Variants in SOX5 observed in about 807,000 individuals in gnomAD.
SOX5 encodes transcription factor SOX-5.
In SOX5, 9 loss-of-function variants were observed where a neutral mutation model predicts 92.0. That is an observed-to-expected ratio of 0.10 (90% CI 0.06 to 0.17). The LOEUF is 0.17. Ranked by LOEUF, SOX5 falls within the 10% of genes least tolerant of loss-of-function variation. The pLI, the probability that SOX5 is intolerant of heterozygous loss-of-function variation, is 1.00. For missense variants in SOX5, 642 were observed against 944.5 expected, an observed-to-expected ratio of 0.68 and a Z score of 4.20; for synonymous variants, 344 against 336.3, an observed-to-expected ratio of 1.02 and a Z score of -0.25.
chr12:24,343,086 G>A (rs903181540), intron 2 of SOX5, among the ~76,000 whole-genome samples: 3 of 152,210 alleles, frequency 2.0e-5, no homozygotes, highest in African/African-American at 7.2e-5. Context: ...CAAAGAGAAT[G>A]TAGGGAAGTA....
intron 3 of SOX5, among the ~76,000 whole-genome samples, chr12:24,265,616 T>C (rs568179609): frequency 8.5e-5 from 13 of 152,336 alleles, no homozygotes; most frequent in African/African-American, 3.1e-4. Context: ...ATATGCATTT[T>C]TCTTAAAATG....
At chr12:23,730,885 T>C (rs1408536680) in intron 6 of SOX5, among the ~76,000 whole-genome samples, 1 of 152,150 alleles carries the variant, frequency 6.6e-6, no homozygotes. Context: ...GTTGTCTGGA[T>C]TGAGGATTAC....
intron 1 of SOX5, among the ~76,000 whole-genome samples, chr12:24,466,846 G>A (rs961500089): frequency 6.6e-6 from 1 of 152,192 alleles, no homozygotes; most frequent in African/African-American, 2.4e-5. Flanking sequence ...CAGGTAATCT[G>A]ATGCATAATC....
chr12:24,311,248 A>C (rs980333159), intron 2 of SOX5, among the ~76,000 whole-genome samples: 2 of 152,210 alleles, frequency 1.3e-5, no homozygotes, highest in African/African-American at 4.8e-5. Flanking sequence ...TCTATTGTCC[A>C]ATCATGTTTT....
intron 10 of SOX5, among the ~76,000 whole-genome samples, chr12:23,570,930 AATATATATATATATATAT>A (rs1164831816): frequency 0.039 from 744 of 19,152 alleles, 26 homozygotes; most frequent in Admixed American, 0.057. Flanking sequence ...AAAAAAAAAA[AATATATATATATATATAT>A]ATATATATAT....
At chr12:23,981,192 T>C (rs11047188) in intron 4 of SOX5, among the ~76,000 whole-genome samples, 64,150 of 151,664 alleles carry the variant, frequency 0.42, 13,879 homozygotes, top group East Asian at 0.61. Flanking sequence ...ATACCTCCCT[T>C]AGAGGCCTGC....
At chr12:24,444,620 G>A (rs1054654679) in intron 1 of SOX5, among the ~76,000 whole-genome samples, 1 of 152,184 alleles carries the variant, frequency 6.6e-6, no homozygotes, top group African/African-American at 2.4e-5. Context: ...GCTGCCAGCA[G>A]TGCTCACAGC....
chr12:24,286,381 TAGG>T (rs1329940022), intron 2 of SOX5, among the ~76,000 whole-genome samples: 2 of 152,084 alleles, frequency 1.3e-5, no homozygotes, highest in South Asian at 2.1e-4. Flanking sequence ...CGGGTACTAT[TAGG>T]AGGAGAAGAT....
chr12:24,069,982 C>T (rs375154255), intron 4 of SOX5, among the ~76,000 whole-genome samples: 2 of 152,100 alleles, frequency 1.3e-5, no homozygotes, highest in African/African-American at 4.8e-5. Context: ...GAGGAGCTAG[C>T]CAGGCCTAAC....
At chr12:24,409,350 G>C (rs187730753) in intron 1 of SOX5, among the ~76,000 whole-genome samples, 11 of 152,132 alleles carry the variant, frequency 7.2e-5, no homozygotes, top group African/African-American at 1.9e-4. Context: ...TGGGGAGTGA[G>C]GGGAGGGAAT....
intron 1 of SOX5, among the ~76,000 whole-genome samples, chr12:24,430,811 C>T (rs912299808): frequency 6.6e-6 from 1 of 152,090 alleles, no homozygotes; most frequent in Non-Finnish European, 1.5e-5. Flanking sequence ...TTTATTATTC[C>T]TACCAAGATA....
chr12:24,180,595 C>T (rs542751333), intron 4 of SOX5, among the ~76,000 whole-genome samples: 2 of 152,234 alleles, frequency 1.3e-5, no homozygotes, highest in East Asian at 1.9e-4. Flanking sequence ...TTATAACTGT[C>T]GTTACTATGC....
At chr12:23,875,013 G>C (rs1176265514) in intron 2 of SOX5, among the ~76,000 whole-genome samples, 1 of 152,138 alleles carries the variant, frequency 6.6e-6, no homozygotes. Flanking sequence ...TTTAAGAATA[G>C]GTCTTCAACT....
At chr12:24,222,903 A>G (rs2139817565) in intron 3 of SOX5, among the ~76,000 whole-genome samples, 1 of 152,276 alleles carries the variant, frequency 6.6e-6, no homozygotes, top group East Asian at 1.9e-4. Context: ...ATTGCTTGGA[A>G]TAGACACCCT....
intron 1 of SOX5, among the ~76,000 whole-genome samples, chr12:24,469,795 AC>A (rs1944608639): frequency 6.6e-6 from 1 of 152,022 alleles, no homozygotes; most frequent in African/African-American, 2.4e-5. Context: ...CATACCAAAA[AC>A]CCTTTCCTCC....
chr12:24,251,801 A>G (rs1940122443), intron 3 of SOX5, among the ~76,000 whole-genome samples: 1 of 151,700 alleles, frequency 6.6e-6, no homozygotes, highest in Non-Finnish European at 1.5e-5. Flanking sequence ...CAAACTCCCA[A>G]CCTCAGGTGA....
intron 3 of SOX5, among the ~76,000 whole-genome samples, chr12:24,219,063 T>A (rs1404027760): frequency 6.6e-6 from 1 of 152,062 alleles, no homozygotes; most frequent in Non-Finnish European, 1.5e-5. Context: ...GATTTTTGAA[T>A]TATCAATTTG....
Position 23,636,905 on chromosome 12 carries a change from C to T in SOX5, c.1017+3907G>A, listed in dbSNP as rs769256884. The stretch of plus-strand genomic sequence containing the variant: ...CCATGGATTTTGGACTCTGTGACCC[C>T]GCTTTCTTCTTTGTCAAATGGAGAT... On this transcript the variant is annotated intron_variant, in intron 8 of 14. Transcript: ENST00000451604. Among the ~76,000 whole-genome samples the T allele has an allele frequency of 6.6e-5, 10 of 152,076 alleles. No individual in the cohort carries two copies. The East Asian group carries it at 1.2e-3, about 18-fold the overall frequency.
In SOX5 at chr12:23,573,030, T is replaced by C. The variant is rs141980808; in HGVS notation, c.1342+2631A>G. On this transcript the variant is annotated intron_variant, in intron 10 of 14. Transcript: ENST00000451604. Reference sequence around the variant, plus strand: ...CAAAATTTCTCTGAAATGTTACCATTTATCTCTTCCTTTCCTTCAGTCTCA... The same window carrying C: ...CAAAATTTCTCTGAAATGTTACCATCTATCTCTTCCTTTCCTTCAGTCTCA... 6.4e-3 allele frequency among the ~76,000 whole-genome samples: 979 copies of C among 152,288 alleles called. 12 individuals are homozygous for C. Among genetic ancestry groups the C allele is most frequent in the African/African-American group, 0.022 (919 of 41,564 alleles).
Sources: gnomAD v4.1 joint callset for allele counts (sites outside exome capture counted in the v4.1 genomes callset) on GRCh38, gnomAD v4.1.1 for gene constraint, MANE v1.5 for transcripts, NCBI Gene and HGNC (gene_info 2026-07-23, HGNC 2026-07-21) for gene names.